CLASP2: variants seen among roughly 807,000 people sequenced by gnomAD.
CLASP2 encodes CLIP-associating protein 2.
CLASP2 carries 47 observed loss-of-function variants against 194.4 expected under a neutral mutation model. The ratio of observed to expected loss-of-function variants is 0.24; its 90% CI spans 0.19 to 0.31. The LOEUF (loss-of-function observed/expected upper bound fraction) is 0.31, where lower values mean the gene tolerates loss of function less well. Ranked by LOEUF, CLASP2 falls within the 10% of genes least tolerant of loss-of-function variation. The pLI, the probability that CLASP2 is intolerant of heterozygous loss-of-function variation, is 1.00. For synonymous variants in CLASP2, 619 were observed against 633.5 expected (o/e 0.98, Z 0.34); for missense variants, 1,445 against 1,823.6 (o/e 0.79, Z 3.78).
At chr3:33,537,206 C>A (rs2057510443) in intron 33 of CLASP2, among the ~76,000 whole-genome samples, 1 of 151,888 alleles carries the variant, frequency 6.6e-6, no homozygotes, top group South Asian at 2.1e-4. Flanking sequence ...AAAAAAAAAA[C>A]TGAGTCTCAA....
chr3:33,695,883 T>C (rs982872307), intron 2 of CLASP2, among the ~76,000 whole-genome samples: 1 of 152,216 alleles, frequency 6.6e-6, no homozygotes, highest in Non-Finnish European at 1.5e-5. Context: ...ACTTATAACA[T>C]ACTCTAAAGG....
At chr3:33,552,376 C>A (rs892281188) in intron 29 of CLASP2, among the ~76,000 whole-genome samples, 4 of 152,096 alleles carry the variant, frequency 2.6e-5, no homozygotes, top group Non-Finnish European at 2.9e-5. Flanking sequence ...CTCAGTCTCC[C>A]GAAGTGCTGG....
intron 34 of CLASP2, among the ~76,000 whole-genome samples, chr3:33,517,928 A>C (rs1045569395): frequency 2.6e-5 from 4 of 152,178 alleles, no homozygotes; most frequent in Non-Finnish European, 1.5e-5. Context: ...GATTATAGGC[A>C]TGAGCCACCA....
chr3:33,669,747 T>C (rs2086812774), intron 6 of CLASP2, among the ~76,000 whole-genome samples: 1 of 151,998 alleles, frequency 6.6e-6, no homozygotes, highest in African/African-American at 2.4e-5. Flanking sequence ...CTAAAATTAG[T>C]AAAAATAAGC....
chr3:33,570,572 C>A, intron 26 of CLASP2, 155 bp downstream of exon 26: 1 of 927,286 alleles, frequency 1.1e-6, no homozygotes, highest in Non-Finnish European at 1.6e-6. Flanking sequence ...AGATTAATTT[C>A]TAAATTACGT....
chr3:33,500,500 T>C (rs1439130854), intron 38 of CLASP2, among the ~76,000 whole-genome samples: 1 of 152,208 alleles, frequency 6.6e-6, no homozygotes, highest in East Asian at 1.9e-4. Context: ...CTGCTAGCCA[T>C]GGGATTCACG....
Position 33,684,418 on chromosome 3 carries a change from A to G in CLASP2, c.585T>C (p.Tyr195=). 6.2e-7 allele frequency: 1 copy of G among 1,605,126 alleles called. No homozygotes were observed. Among genetic ancestry groups the G allele is most frequent in the Non-Finnish European group, 8.5e-7 (1 of 1,175,166 alleles). The change falls in exon 6 of 39, where the codon TAT becomes TAC. Residue 195 remains tyrosine, a synonymous_variant. Transcript: ENST00000682230. ...DAAILAIVEI[Y]RHVGEKVRMD... is the part of the protein sequence containing the mutation. ...TCCTCACTTTTTCTCCCACATGTCT[A>G]TAAATCTCCACTATAGCCAATATTG...
At chr3:33,714,592 C>G (rs532887187) in intron 1 of CLASP2, among the ~76,000 whole-genome samples, 152 of 152,108 alleles carry the variant, frequency 1.0e-3, no homozygotes, top group Non-Finnish European at 1.9e-3. Context: ...TCGGATCTAC[C>G]ACCAAATCAC....
At chr3:33,629,921 T>C (rs1358901074) in intron 9 of CLASP2, among the ~76,000 whole-genome samples, 2 of 151,940 alleles carry the variant, frequency 1.3e-5, no homozygotes, top group Admixed American at 1.3e-4. Flanking sequence ...AAGTATAAAG[T>C]GACAGATGAT....
At chr3:33,583,637 C>T (rs892753866) in intron 22 of CLASP2, among the ~76,000 whole-genome samples, 4 of 151,658 alleles carry the variant, frequency 2.6e-5, no homozygotes, top group African/African-American at 7.3e-5. Context: ...ATTGATAACT[C>T]TAAGAGTGGA....
chr3:33,626,590 T>C (rs755329579), intron 10 of CLASP2, among the ~76,000 whole-genome samples: 25 of 152,136 alleles, frequency 1.6e-4, no homozygotes, highest in South Asian at 4.1e-4. Context: ...TGAATTTACA[T>C]TGATGCTATG....
At chr3:33,685,041 A>ATAC (rs1165522384) in intron 5 of CLASP2, among the ~76,000 whole-genome samples, 3 of 130,400 alleles carry the variant, frequency 2.3e-5, no homozygotes, top group East Asian at 2.4e-4. Context: ...AATAATAATA[A>ATAC]TAATAAATCT....
At chr3:33,618,190 C>T (rs936895640) in intron 12 of CLASP2, among the ~76,000 whole-genome samples, 5 of 151,782 alleles carry the variant, frequency 3.3e-5, no homozygotes, top group Non-Finnish European at 5.9e-5. Context: ...TCAGTTGATC[C>T]GCCTGCCTTG....
chr3:33,707,047 G>A (rs1474453629), intron 1 of CLASP2, among the ~76,000 whole-genome samples: 1 of 152,104 alleles, frequency 6.6e-6, no homozygotes, highest in Admixed American at 6.6e-5. Context: ...GACCAAACAA[G>A]GAACATGAAT....
intron 3 of CLASP2, among the ~76,000 whole-genome samples, chr3:33,688,598 G>A (rs1285924801): frequency 6.6e-6 from 1 of 152,012 alleles, no homozygotes; most frequent in East Asian, 1.9e-4. Flanking sequence ...TTTCACTTTA[G>A]ATTTTGATAT....
chr3:33,644,111 T>G (rs993205045), intron 8 of CLASP2, among the ~76,000 whole-genome samples: 1 of 151,988 alleles, frequency 6.6e-6, no homozygotes, highest in African/African-American at 2.4e-5. Flanking sequence ...AATTAACACA[T>G]GAAAGAATAC....
intron 37 of CLASP2, among the ~76,000 whole-genome samples, chr3:33,509,931 T>C (rs1026214382): frequency 9.2e-5 from 14 of 152,256 alleles, no homozygotes; most frequent in African/African-American, 2.9e-4. Context: ...TATAAGTGCA[T>C]GAAGATATTA....
chr3:33,672,487 G>A (rs1294754063), intron 6 of CLASP2, among the ~76,000 whole-genome samples: 3 of 152,152 alleles, frequency 2.0e-5, no homozygotes, highest in African/African-American at 7.2e-5. Flanking sequence ...AAACCACAAA[G>A]ATGGGGAAAA....
rs529910809 is a variant in CLASP2, at chr3:33,643,754, T to C, written c.862+1003A>G. On this transcript the variant is annotated intron_variant, in intron 8 of 38. Coordinates refer to ENST00000682230, the MANE Select transcript of CLASP2 (RefSeq NM_001365631.1). ...AGAATCTCACATGATGGGAAAAAAC[T>C]GGGGGTTGTATAGAAAGATCAAGGG... Among the ~76,000 whole-genome samples the C allele has an allele frequency of 1.4e-4, 21 of 152,040 alleles. No individual in the cohort carries two copies. The South Asian group carries it at 1.5e-3, about 11-fold the overall frequency.
Sources: allele counts gnomAD v4.1 joint callset (sites outside exome capture counted in the v4.1 genomes callset), GRCh38; gene constraint gnomAD v4.1.1; transcripts MANE v1.5; gene names NCBI Gene and HGNC (gene_info 2026-07-23, HGNC 2026-07-21).